ASH1L: variants seen among roughly 807,000 people sequenced by gnomAD.
The protein encoded by ASH1L is ASH1 like histone lysine methyltransferase.
In ASH1L, 23 loss-of-function variants were observed where a neutral mutation model predicts 269.0. The ratio of observed to expected loss-of-function variants is 0.09; its 90% confidence interval spans 0.06 to 0.12. The LOEUF (loss-of-function observed/expected upper bound fraction) is 0.12. Among genes scored for constraint, ASH1L ranks in the 10% least tolerant of loss-of-function variants. ASH1L has a pLI of 1.00. For missense variants in ASH1L, 2,912 were observed against 3,567.8 expected (o/e 0.82, Z 4.68); for synonymous variants, 1,187 against 1,253.5 (o/e 0.95, Z 1.12).
chr1:155,363,590 C>A (rs549253557), intron 12 of ASH1L, among the ~76,000 whole-genome samples: 3 of 152,146 alleles, frequency 2.0e-5, no homozygotes, highest in Non-Finnish European at 1.5e-5. Flanking sequence ...AACTGCTCCA[C>A]AGGCCACTGC....
intron 1 of ASH1L, among the ~76,000 whole-genome samples, chr1:155,526,687 A>G (rs1445592047): frequency 6.6e-6 from 1 of 152,198 alleles, no homozygotes; most frequent in African/African-American, 2.4e-5. Context: ...TAACAAACAG[A>G]AAAGTGCCAC....
chr1:155,338,671 C>A (rs552436126), intron 26 of ASH1L, among the ~76,000 whole-genome samples: 1 of 152,278 alleles, frequency 6.6e-6, no homozygotes, highest in Admixed American at 6.5e-5. Flanking sequence ...AATTGCTTAG[C>A]TGGTTCTAAA....
chr1:155,362,780 T>G (rs1484081722), intron 12 of ASH1L, among the ~76,000 whole-genome samples: 1 of 152,184 alleles, frequency 6.6e-6, no homozygotes, highest in East Asian at 1.9e-4. Flanking sequence ...GTTTGTTTAG[T>G]TATATAGCAA....
At chr1:155,462,195 T>A (rs1054463751) in intron 3 of ASH1L, among the ~76,000 whole-genome samples, 13 of 152,192 alleles carry the variant, frequency 8.5e-5, no homozygotes, top group African/African-American at 3.1e-4. Context: ...CTAGATATTG[T>A]GAAGGTAGGG....
intron 10 of ASH1L, among the ~76,000 whole-genome samples, chr1:155,371,713 A>G (rs1490144640): frequency 2.3e-5 from 3 of 131,070 alleles, no homozygotes; most frequent in Admixed American, 8.1e-5. Context: ...TTTTTTTTTG[A>G]GATGGAATCT....
intron 3 of ASH1L, among the ~76,000 whole-genome samples, chr1:155,470,583 G>A (rs1446178342): frequency 1.1e-4 from 15 of 132,328 alleles, no homozygotes; most frequent in South Asian, 2.3e-4. Flanking sequence ...ACAGAGTCTC[G>A]CTCTGTTGCC....
intron 4 of ASH1L, chr1:155,440,455 G>A: frequency 2.7e-6 from 1 of 366,202 alleles, no homozygotes; most frequent in Non-Finnish European, 3.8e-6. Flanking sequence ...AAATTTAACT[G>A]CGGAGGTCCT....
At chr1:155,440,916 T>C (rs780632963) in intron 4 of ASH1L, among the ~76,000 whole-genome samples, 2 of 152,232 alleles carry the variant, frequency 1.3e-5, no homozygotes, top group Non-Finnish European at 2.9e-5. Context: ...GCTAACATTA[T>C]GTATACTGAC....
At chr1:155,357,244 T>C in intron 15 of ASH1L, 72 bp downstream of exon 15, 3 of 1,288,206 alleles carry the variant, frequency 2.3e-6, no homozygotes, top group Non-Finnish European at 3.3e-6. Context: ...ATATAGAAGT[T>C]TCATAATTTT....
At chr1:155,450,932 T>A (rs1663415248) in intron 4 of ASH1L, among the ~76,000 whole-genome samples, 1 of 152,174 alleles carries the variant, frequency 6.6e-6, no homozygotes, top group African/African-American at 2.4e-5. Flanking sequence ...GTGCAGTGGC[T>A]CACACCTGTA....
intron 6 of ASH1L, among the ~76,000 whole-genome samples, chr1:155,401,090 G>T (rs1412961406): frequency 2.6e-5 from 4 of 152,132 alleles, no homozygotes; most frequent in Non-Finnish European, 4.4e-5. Flanking sequence ...GAACCAGGGA[G>T]GTGGAGGTTG....
chr1:155,439,886 G>A (rs1323112705), intron 4 of ASH1L, among the ~76,000 whole-genome samples: 2 of 148,356 alleles, frequency 1.3e-5, no homozygotes, highest in African/African-American at 2.5e-5. Flanking sequence ...TCATCAGACT[G>A]TGGAATTTTT....
intron 5 of ASH1L, among the ~76,000 whole-genome samples, chr1:155,432,334 C>G (rs1354784903): frequency 6.6e-6 from 1 of 152,268 alleles, no homozygotes; most frequent in South Asian, 2.1e-4. Flanking sequence ...CTATTATATA[C>G]AGTACTCTTA....
chr1:155,521,114 A>C lies in ASH1L; in HGVS notation c.406T>G (p.Cys136Gly). The C allele has an allele frequency of 6.3e-7, 1 of 1,597,914 alleles. No homozygotes were observed. Among genetic ancestry groups the C allele is most frequent in the Non-Finnish European group, 8.5e-7 (1 of 1,174,594 alleles). ...GKMTDEKNEH[C>G]PSKRDPSKLY... ...ATTCTACTTACTCGTTTTGAAGGAC[A>C]GTGTTCATTCTTTTCATCCGTCATC... is the stretch of plus-strand genomic sequence containing the variant. The change falls in exon 2 of 28, where the codon TGT becomes GGT. Residue 136 changes from cysteine (C) to glycine (G), a missense_variant. Cys to Gly is a radical substitution (Grantham distance 159). Transcript: ENST00000392403.
At chr1:155,415,709 A>G in intron 6 of ASH1L, 35 bp downstream of exon 6, 1 of 1,586,284 alleles carries the variant, frequency 6.3e-7, no homozygotes, top group African/African-American at 1.4e-5. Context: ...ATGTGGAAGA[A>G]AAAGGGATGT....
chr1:155,407,323 A>T (rs1416754010), intron 6 of ASH1L, among the ~76,000 whole-genome samples: 1 of 152,334 alleles, frequency 6.6e-6, no homozygotes, highest in East Asian at 1.9e-4. Flanking sequence ...CAGACTCATA[A>T]ATTTCTAGGA....
chr1:155,344,173 G>GTA lies in ASH1L; in HGVS notation c.7981+8_7981+9dup. On this transcript the variant is annotated intron_variant, in intron 22 of 27. Transcript: ENST00000392403. ...CCTCTGACAAGTAGGATTAGCTCCT[G>GTA]TATACATACCCTGACGAAGCAGCAA... 1 of 1,612,896 alleles carries GTA rather than the reference G, an allele frequency of 6.2e-7. No individual in the cohort carries two copies.
chr1:155,533,197 T>C (rs962628153), intron 1 of ASH1L, among the ~76,000 whole-genome samples: 1 of 152,128 alleles, frequency 6.6e-6, no homozygotes, highest in African/African-American at 2.4e-5. Flanking sequence ...ACAGTGAATT[T>C]AGCATCAGTA....
chr1:155,433,352 T>C, intron 5 of ASH1L: 1 of 1,591,744 alleles, frequency 6.3e-7, no homozygotes, highest in Non-Finnish European at 8.5e-7. Flanking sequence ...CTCTGAGGTG[T>C]GGGGGATTCC....
Sources: gnomAD v4.1 joint callset for allele counts (sites outside exome capture counted in the v4.1 genomes callset) on GRCh38, gnomAD v4.1.1 for gene constraint, MANE v1.5 for transcripts, NCBI Gene and HGNC (gene_info 2026-07-23, HGNC 2026-07-21) for gene names.